PTCSC3: variants seen among roughly 807,000 people sequenced by gnomAD.
The protein encoded by PTCSC3 is papillary thyroid carcinoma susceptibility candidate 3 (non-protein coding).
chr14:36,143,922 T>A (rs981029624), intron 3 of PTCSC3, among the ~76,000 whole-genome samples: 1 of 151,286 alleles, frequency 6.6e-6, no homozygotes, highest in African/African-American at 2.4e-5. Flanking sequence ...GGGAATCCTT[T>A]CCCCATTGCT....
chr14:36,176,265 T>C (rs1335623081), intron 1 of PTCSC3: 4 of 152,070 alleles, frequency 2.6e-5, no homozygotes, highest in African/African-American at 9.7e-5. Flanking sequence ...CATTATTTAA[T>C]GAAAGACCAA....
intron 1 of PTCSC3, among the ~76,000 whole-genome samples, chr14:36,171,231 A>G (rs887062102): frequency 6.6e-6 from 1 of 152,048 alleles, no homozygotes; most frequent in Non-Finnish European, 1.5e-5. Flanking sequence ...TCTCTTTCCA[A>G]TGCTGAGGTC....
chr14:36,146,034 T>A (rs1176856048), intron 3 of PTCSC3, among the ~76,000 whole-genome samples: 1 of 151,996 alleles, frequency 6.6e-6, no homozygotes, highest in South Asian at 2.1e-4. Flanking sequence ...AGATAGTTTG[T>A]TATAATCTCT....
intron 1 of PTCSC3, among the ~76,000 whole-genome samples, chr14:36,163,580 T>C (rs897228677): frequency 7.2e-5 from 11 of 152,216 alleles, no homozygotes; most frequent in Non-Finnish European, 1.6e-4. Context: ...CCACATGGGC[T>C]GAAAACATGT....
At chr14:36,171,077 TATA>T (rs1353960857) in intron 1 of PTCSC3, among the ~76,000 whole-genome samples, 1 of 152,210 alleles carries the variant, frequency 6.6e-6, no homozygotes, top group African/African-American at 2.4e-5. Flanking sequence ...AACTACCAAT[TATA>T]ATATTGTTTC....
intron 1 of PTCSC3, chr14:36,176,171 T>C (rs1882277321): frequency 6.6e-6 from 1 of 152,154 alleles, no homozygotes; most frequent in Non-Finnish European, 1.5e-5. Context: ...AACAGTATAC[T>C]AATGCAATAT....
At chr14:36,168,360 AATATATATAT>A (rs147400390) in intron 1 of PTCSC3, among the ~76,000 whole-genome samples, 2,780 of 113,820 alleles carry the variant, frequency 0.024, 44 homozygotes, top group East Asian at 0.031. Flanking sequence ...ATTGATTCTG[AATATATATAT>A]ATATATATAT....
chr14:36,164,410 C>T (rs1023447427), intron 1 of PTCSC3: 13 of 152,166 alleles, frequency 8.5e-5, no homozygotes, highest in African/African-American at 2.9e-4. Flanking sequence ...TTTCAGTGTT[C>T]ACTGGTAGAA....
At chr14:36,158,834 G>A (rs997183077) in intron 2 of PTCSC3, among the ~76,000 whole-genome samples, 2 of 152,146 alleles carry the variant, frequency 1.3e-5, no homozygotes, top group African/African-American at 4.8e-5. Context: ...AACAGTACAA[G>A]CACCTCCTTG....
At chr14:36,144,097 C>T (rs1374113337) in intron 3 of PTCSC3, among the ~76,000 whole-genome samples, 3 of 152,118 alleles carry the variant, frequency 2.0e-5, no homozygotes, top group Non-Finnish European at 4.4e-5. Context: ...TAGTGTGATG[C>T]CTCCAGCTTT....
intron 1 of PTCSC3, among the ~76,000 whole-genome samples, chr14:36,172,226 A>G (rs1249790348): frequency 6.6e-6 from 1 of 152,156 alleles, no homozygotes; most frequent in Non-Finnish European, 1.5e-5. Context: ...ATAGAAGGTT[A>G]GACAGTTTTT....
chr14:36,172,720 C>T (rs1270557688), intron 1 of PTCSC3, among the ~76,000 whole-genome samples: 1 of 152,084 alleles, frequency 6.6e-6, no homozygotes. Flanking sequence ...CTCAGTTTTT[C>T]AAGCCCCATT....
intron 2 of PTCSC3, among the ~76,000 whole-genome samples, chr14:36,162,264 A>AC (rs113305753): frequency 6.5e-5 from 3 of 45,808 alleles, no homozygotes; most frequent in South Asian, 8.7e-4. Flanking sequence ...TATGGAAAAA[A>AC]AAAAAAAAAA....
chr14:36,169,366 C>G (rs1882153012), intron 1 of PTCSC3, among the ~76,000 whole-genome samples: 1 of 152,102 alleles, frequency 6.6e-6, no homozygotes, highest in African/African-American at 2.4e-5. Flanking sequence ...TTCGTGGTGT[C>G]TCAGATCTCT....
chr14:36,154,164 G>A (rs1202557636), intron 2 of PTCSC3, among the ~76,000 whole-genome samples: 1 of 151,962 alleles, frequency 6.6e-6, no homozygotes, highest in Non-Finnish European at 1.5e-5. Flanking sequence ...TTAAAACACA[G>A]GCACAAATAG....
Position 36,152,301 on chromosome 14 carries a change from C to A in PTCSC3, n.322+1503G>T, listed in dbSNP as rs544709988. On this transcript the variant is annotated intron_variant and non_coding_transcript_variant, in intron 3 of 3. Coordinates refer to ENST00000556013, the Ensembl canonical transcript of PTCSC3. ...AAAACTTTTTTTCATCAAAAGACAT[C>A]AAGAAAAGCCAGGAATGGTGGCACA... Among the ~76,000 whole-genome samples the A allele has an allele frequency of 4.6e-5, 7 of 151,674 alleles. No homozygotes were observed. In the East Asian group the frequency reaches 1.2e-3, roughly 25 times the overall value.
chr14:36,138,331 G>A (rs2139085864), intron 3 of PTCSC3, among the ~76,000 whole-genome samples: 1 of 152,274 alleles, frequency 6.6e-6, no homozygotes, highest in South Asian at 2.1e-4. Context: ...ACACAAAGTT[G>A]TAAAAGAAAA....
At chr14:36,147,875 C>T (rs1215626368) in intron 3 of PTCSC3, among the ~76,000 whole-genome samples, 2 of 151,946 alleles carry the variant, frequency 1.3e-5, no homozygotes, top group Non-Finnish European at 2.9e-5. Flanking sequence ...AGTTTTCCTT[C>T]TAACAGACAG....
At chr14:36,155,925 G>A (rs1046484379) in intron 2 of PTCSC3, among the ~76,000 whole-genome samples, 1 of 152,060 alleles carries the variant, frequency 6.6e-6, no homozygotes, top group African/African-American at 2.4e-5. Context: ...ATATAGACTG[G>A]ACTTTCACAT....
Sources: allele counts gnomAD v4.1 joint callset (sites outside exome capture counted in the v4.1 genomes callset), GRCh38; gene constraint gnomAD v4.1.1; transcripts MANE v1.5; gene names NCBI Gene and HGNC (gene_info 2026-07-23, HGNC 2026-07-21).